The following MARCHF1 variants were observed in gnomAD, a reference collection of about 807,000 sequenced individuals.
MARCHF1 encodes membrane associated ring-CH-type finger 1, also known as E3 ubiquitin-protein ligase MARCHF1.
Under a neutral mutation model 54.2 loss-of-function variants are expected in MARCHF1, and 40 were observed. That is an observed-to-expected ratio of 0.74 (90% CI 0.57 to 0.96). MARCHF1 has a LOEUF of 0.96. Among genes scored for constraint, MARCHF1 ranks in the 40% least tolerant of loss-of-function variants. The probability of loss-of-function intolerance (pLI) is 0.00; values close to 1 mark genes in which losing one functional copy is unlikely to be tolerated. For synonymous variants in MARCHF1, 236 were observed against 236.3 expected, an observed-to-expected ratio of 1.00 and a Z score of 0.01; for missense variants, 586 against 656.5, an observed-to-expected ratio of 0.89 and a Z score of 1.17.
intron 1 of MARCHF1, among the ~76,000 whole-genome samples, chr4:164,144,910 T>C (rs1161934679): frequency 2.4e-5 from 3 of 126,124 alleles, no homozygotes; most frequent in African/African-American, 3.4e-5. Flanking sequence ...ATCAACAAAA[T>C]TGATAGACTG....
chr4:163,918,233 T>C (rs1305280789), intron 3 of MARCHF1, among the ~76,000 whole-genome samples: 2 of 152,120 alleles, frequency 1.3e-5, no homozygotes. Flanking sequence ...GAGCTCTGTA[T>C]CATGGACCAT....
intron 2 of MARCHF1, among the ~76,000 whole-genome samples, chr4:163,997,925 T>TACACACACACACACACAC (rs5863648): frequency 1.3e-5 from 2 of 148,220 alleles, no homozygotes; most frequent in African/African-American, 5.0e-5. Context: ...TTGCCTTAAA[T>TACACACACACACACACAC]ACACACACAC....
chr4:163,706,620 C>G (rs1041151927), intron 4 of MARCHF1, among the ~76,000 whole-genome samples: 2 of 151,618 alleles, frequency 1.3e-5, no homozygotes, highest in Non-Finnish European at 2.9e-5. Flanking sequence ...AATAAAGTAC[C>G]ATACTTTGAT....
At chr4:163,834,258 G>T (rs1456008235) in intron 4 of MARCHF1, among the ~76,000 whole-genome samples, 3 of 151,574 alleles carry the variant, frequency 2.0e-5, no homozygotes, top group African/African-American at 7.3e-5. Context: ...AGCAGGAATT[G>T]GGTGCCTGAC....
intron 5 of MARCHF1, among the ~76,000 whole-genome samples, chr4:163,635,789 CA>C (rs1560988773): frequency 1.3e-5 from 2 of 152,108 alleles, no homozygotes; most frequent in East Asian, 1.9e-4. Context: ...GACACACAAC[CA>C]AAAAAGAGAA....
chr4:163,750,715 C>T (rs900280161), intron 4 of MARCHF1, among the ~76,000 whole-genome samples: 3 of 151,886 alleles, frequency 2.0e-5, no homozygotes, highest in African/African-American at 7.3e-5. Context: ...TTGATACCCA[C>T]AGTAGAATAT....
rs1259161878 is a variant in MARCHF1, at chr4:163,570,556, T to G, written c.1191+15193A>C. Among the ~76,000 whole-genome samples the G allele has an allele frequency of 2.0e-5, 3 of 152,070 alleles. No individual in the cohort carries two copies. The East Asian group carries it at 5.8e-4, about 29-fold the overall frequency. ...CTTCCACACACTAAATCTAGATTCT[T>G]TCCACTGTATTTTACCGTATCCCAT... is the stretch of plus-strand genomic sequence containing the variant. On this transcript the variant is annotated intron_variant, in intron 8 of 9. Coordinates refer to ENST00000514618, the MANE Select transcript of MARCHF1 (RefSeq NM_001394959.1).
chr4:163,903,362 A>C (rs1560812420), intron 3 of MARCHF1, among the ~76,000 whole-genome samples: 1 of 152,102 alleles, frequency 6.6e-6, no homozygotes, highest in Non-Finnish European at 1.5e-5. Flanking sequence ...TTAACCTGGG[A>C]ATTAGAAATG....
At chr4:163,830,248 TGC>T (rs1402169524) in intron 4 of MARCHF1, among the ~76,000 whole-genome samples, 3 of 151,456 alleles carry the variant, frequency 2.0e-5, no homozygotes, top group African/African-American at 7.3e-5. Context: ...CTTTTTACGC[TGC>T]TTTTTTCTTA....
chr4:164,101,091 G>A (rs558489153), intron 2 of MARCHF1, among the ~76,000 whole-genome samples: 8 of 152,326 alleles, frequency 5.3e-5, no homozygotes, highest in African/African-American at 1.2e-4. Context: ...ATTATATCCC[G>A]CACCTGGCTC....
chr4:164,350,584 T>C (rs183597642), intron 1 of MARCHF1, among the ~76,000 whole-genome samples: 10 of 152,350 alleles, frequency 6.6e-5, no homozygotes, highest in Admixed American at 2.6e-4. Flanking sequence ...ACACGCTATA[T>C]ACACGTATCA....
intron 4 of MARCHF1, among the ~76,000 whole-genome samples, chr4:163,801,183 G>A (rs1193585283): frequency 2.0e-5 from 3 of 151,930 alleles, no homozygotes; most frequent in Admixed American, 6.6e-5. Context: ...GTTGCTTAAC[G>A]ACACCATTCC....
chr4:163,825,885 A>T (rs1405768577), intron 4 of MARCHF1, among the ~76,000 whole-genome samples: 2 of 151,866 alleles, frequency 1.3e-5, no homozygotes, highest in African/African-American at 4.8e-5. Flanking sequence ...GGCTTGATGG[A>T]GCTAATTATT....
At chr4:163,562,403 T>C (rs745406121) in intron 8 of MARCHF1, among the ~76,000 whole-genome samples, 1 of 152,230 alleles carries the variant, frequency 6.6e-6, no homozygotes, top group Non-Finnish European at 1.5e-5. Flanking sequence ...CTCTCAGTCC[T>C]GTCTGCAGCA....
intron 1 of MARCHF1, among the ~76,000 whole-genome samples, chr4:164,202,791 A>G (rs552322121): frequency 6.6e-6 from 1 of 152,348 alleles, no homozygotes; most frequent in East Asian, 1.9e-4. Context: ...CATAAAACAT[A>G]AAAGCATCCT....
chr4:164,020,558 C>T (rs1753641292), intron 2 of MARCHF1, among the ~76,000 whole-genome samples: 1 of 152,326 alleles, frequency 6.6e-6, no homozygotes, highest in East Asian at 1.9e-4. Context: ...ATCTTCCCCA[C>T]ACCTTCTCCA....
At chr4:163,986,249 CTTTTTTT>C (rs869081083) in intron 3 of MARCHF1, among the ~76,000 whole-genome samples, 31 of 28,878 alleles carry the variant, frequency 1.1e-3, no homozygotes, top group South Asian at 2.8e-3. Context: ...TTAACCTCTT[CTTTTTTT>C]TTTTTTTTTT....
At chr4:163,697,983 G>C (rs78062097) in intron 5 of MARCHF1, among the ~76,000 whole-genome samples, 4,506 of 152,236 alleles carry the variant, frequency 0.03, 79 homozygotes, top group East Asian at 0.077. Context: ...ATCACTGATA[G>C]AAAAATATTA....
chr4:164,287,786 G>A (rs892952508), intron 1 of MARCHF1, among the ~76,000 whole-genome samples: 5 of 152,044 alleles, frequency 3.3e-5, no homozygotes, highest in Admixed American at 6.6e-5. Flanking sequence ...CTTTAGAATC[G>A]AATAGTTATT....
Sources: allele counts gnomAD v4.1 joint callset (sites outside exome capture counted in the v4.1 genomes callset), GRCh38; gene constraint gnomAD v4.1.1; transcripts MANE v1.5; gene names NCBI Gene and HGNC (gene_info 2026-07-23, HGNC 2026-07-21).